ARHGEF3: variants seen among roughly 807,000 people sequenced by gnomAD.
ARHGEF3 encodes 59.8 kDA protein.
A neutral mutation model predicts 63.2 loss-of-function variants in ARHGEF3; 28 were observed. That is an observed-to-expected ratio of 0.44 (90% CI 0.33 to 0.61). The LOEUF (loss-of-function observed/expected upper bound fraction) is 0.61. ARHGEF3 is among the 20% of genes least tolerant of loss of function. The pLI is 0.03. For missense variants in ARHGEF3, 533 were observed against 659.3 expected (o/e 0.81, Z 2.10); for synonymous variants, 266 against 254.2 (o/e 1.05, Z -0.44).
chr3:57,033,047 A>G (rs1703796914), intron 2 of ARHGEF3, among the ~76,000 whole-genome samples: 1 of 152,232 alleles, frequency 6.6e-6, no homozygotes, highest in Admixed American at 6.5e-5. Flanking sequence ...AGAGGAAACT[A>G]CAACCACAGA....
chr3:56,737,439 C>T (rs1453633741), intron 7 of ARHGEF3, 84 bp from the exon 8 acceptor site: 2 of 1,026,074 alleles, frequency 1.9e-6, no homozygotes, highest in East Asian at 5.0e-5. Context: ...CCTAGAAGGA[C>T]ACCAGGACAC....
intron 4 of ARHGEF3, among the ~76,000 whole-genome samples, chr3:56,839,825 A>C (rs750250945): frequency 2.0e-5 from 3 of 152,082 alleles, no homozygotes; most frequent in Admixed American, 2.0e-4. Flanking sequence ...ACAGGATCAC[A>C]TTACCACCTT....
At position 57,002,506 on chromosome 3, in the gene ARHGEF3, A is replaced by G. The variant is rs796773371; in HGVS notation, c.62+32582T>C. Among the ~76,000 whole-genome samples the G allele has an allele frequency of 8.5e-4, 65 of 76,350 alleles. 1 individual carries two copies. Among genetic ancestry groups the G allele is most frequent in the South Asian group, 1.7e-3 (4 of 2,408 alleles). 50.1% of individuals were successfully genotyped at this position (76,350 alleles called of 152,430 possible). A position where few individuals can be genotyped will look rare whatever the true frequency, so the allele number is the denominator to read the frequency against. On this transcript the variant is annotated intron_variant, in intron 2 of 12. Coordinates refer to the ARHGEF3 transcript ENST00000338458. ...ATATATATATATATATGTTATATAT[A>G]TATATATGTTATATATGTATGTTAT...
rs1228657829 is a variant in ARHGEF3 at position 56,773,784 on chromosome 3, G to A, written c.129C>T (p.Ser43=). ...TGAGGTTTGCTAGCGACGTGACTCGGGAAAGGGGTTTGACCCGTTTATTAC... is the reference window on the plus strand; with the variant it reads ...TGAGGTTTGCTAGCGACGTGACTCGAGAAAGGGGTTTGACCCGTTTATTAC... ...EPSNKRVKPL[S]RVTSLANLIP... Residue 43 remains serine, a synonymous_variant, in exon 2 of 10, where the codon TCC becomes TCT. Transcript: ENST00000296315. 6.2e-7 allele frequency: 1 copy of A among 1,603,992 alleles called. No individual in the cohort carries two copies. The highest frequency in any genetic ancestry group is 1.1e-5 in the South Asian group (1 of 89,592).
chr3:57,064,706 G>A (rs1349840176), intron 1 of ARHGEF3, among the ~76,000 whole-genome samples: 1 of 152,202 alleles, frequency 6.6e-6, no homozygotes, highest in East Asian at 1.9e-4. Flanking sequence ...AATATGGCAT[G>A]ATTCCACTTA....
intron 7 of ARHGEF3, among the ~76,000 whole-genome samples, chr3:56,741,235 G>C (rs1461694957): frequency 7.3e-6 from 1 of 137,384 alleles, no homozygotes; most frequent in Non-Finnish European, 1.5e-5. Context: ...GCCCAGGCTA[G>C]AGTGCAATGG....
At position 56,917,511 on chromosome 3, in the gene ARHGEF3, G is replaced by A. The variant is rs4681713; in HGVS notation, c.130-35157C>T. 8.7e-3 allele frequency among the ~76,000 whole-genome samples: 1,317 copies of A among 152,224 alleles called. 55 individuals are homozygous for A. In the East Asian group the frequency reaches 0.11, roughly 13 times the overall value. The stretch of plus-strand genomic sequence containing the variant: ...GGTTCATTTGAACAACAAGCTTCCG[G>A]TCTAACAGAAGGAGATTAAATCCAA... On this transcript the variant is annotated intron_variant, in intron 3 of 12. Transcript: ENST00000338458.
chr3:56,875,661 C>A (rs2040563438), intron 4 of ARHGEF3, among the ~76,000 whole-genome samples: 1 of 152,190 alleles, frequency 6.6e-6, no homozygotes, highest in African/African-American at 2.4e-5. Flanking sequence ...AATTCTATCC[C>A]AAGCCCCCTT....
At chr3:56,972,166 G>T (rs183319029) in intron 2 of ARHGEF3, among the ~76,000 whole-genome samples, 47 of 152,190 alleles carry the variant, frequency 3.1e-4, no homozygotes, top group Admixed American at 1.0e-3. Context: ...GTAACCCAAG[G>T]TGGTCAGAAG....
At chr3:56,917,876 G>A (rs756402798) in intron 3 of ARHGEF3, among the ~76,000 whole-genome samples, 22 of 152,318 alleles carry the variant, frequency 1.4e-4, no homozygotes, top group South Asian at 4.1e-4. Flanking sequence ...TGAAATCACT[G>A]TAAAAAGCCT....
At chr3:56,838,859 G>A (rs1412554660) in intron 4 of ARHGEF3, among the ~76,000 whole-genome samples, 4 of 152,226 alleles carry the variant, frequency 2.6e-5, no homozygotes, top group Non-Finnish European at 4.4e-5. Context: ...GCCGGGTGCA[G>A]TGGCTCATGC....
chr3:56,958,787 C>T, intron 3 of ARHGEF3: 2 of 1,531,400 alleles, frequency 1.3e-6, no homozygotes, highest in Non-Finnish European at 1.8e-6. Flanking sequence ...CATAATAGGA[C>T]ATTTAACAGC....
intron 1 of ARHGEF3, among the ~76,000 whole-genome samples, chr3:57,050,909 T>C (rs1704642149): frequency 6.6e-6 from 1 of 152,212 alleles, no homozygotes; most frequent in African/African-American, 2.4e-5. Context: ...TGCAGCATCC[T>C]TCCCTATTAG....
In ARHGEF3 at chr3:56,737,238, C is replaced by T. The variant is rs545739969; in HGVS notation, c.988G>A (p.Asp330Asn). Residue 330 changes from aspartate to asparagine, a missense_variant, in exon 8 of 10, where the codon GAC (aspartate) becomes AAC (asparagine). Physicochemically the swap from Asp to Asn is conservative, Grantham distance 23 (BLOSUM62 1). Coordinates refer to ENST00000296315, the MANE Select transcript of ARHGEF3 (RefSeq NM_019555.3). ...TGACAACACAAGACTCGAGAGCTGT[C>T]GATCAGGGAGTCTTTCTGGCCTTCT... Reference protein sequence around the residue: ...LEEGQKDSLIDSSRVLCCHGE... With the variant: ...LEEGQKDSLINSSRVLCCHGE... 2.1e-5 allele frequency: 34 copies of T among 1,614,068 alleles called. No individual in the cohort carries two copies. The highest frequency in any genetic ancestry group is 9.3e-5 in the African/African-American group (7 of 75,048).
rs1486089054 is a variant in ARHGEF3 at position 56,737,355 on chromosome 3, T to C, written c.871A>G (p.Ile291Val). ...GCCACAATTCCCTGAATGATATTTATCTATGAAAACAAAGAGGAAAATTAA... is the reference window on the plus strand; with the variant it reads ...GCCACAATTCCCTGAATGATATTTACCTATGAAAACAAAGAGGAAAATTAA... ...NPDQQHLEEA[I>V]NIIQGIVAEI... The change falls in exon 8 of 10, where the codon ATA becomes GTA. Residue 291 changes from isoleucine (I) to valine (V), a missense_variant and splice_region_variant. Coordinates refer to ENST00000296315, the MANE Select transcript of ARHGEF3 (RefSeq NM_019555.3). 6.2e-7 allele frequency: 1 copy of C among 1,608,812 alleles called. No individual in the cohort carries two copies. Among genetic ancestry groups the C allele is most frequent in the Admixed American group, 1.7e-5 (1 of 59,736 alleles).
chr3:57,076,249 G>T (rs76383610), intron 1 of ARHGEF3, among the ~76,000 whole-genome samples: 1 of 152,042 alleles, frequency 6.6e-6, no homozygotes. Context: ...GCCTTGAAGG[G>T]TTACTAAACT....
chr3:57,015,983 A>G (rs4681941), intron 2 of ARHGEF3, among the ~76,000 whole-genome samples: 148,916 of 152,152 alleles, frequency 0.98, 72,939 homozygotes, highest in South Asian at 1. Flanking sequence ...CCACAGAGGC[A>G]GGGGTCCACC....
chr3:56,846,527 T>C (rs1048663458), intron 4 of ARHGEF3, among the ~76,000 whole-genome samples: 1 of 152,170 alleles, frequency 6.6e-6, no homozygotes, highest in African/African-American at 2.4e-5. Context: ...CATGGATATA[T>C]TGCATAGTGA....
At chr3:57,031,980 A>G (rs1467422302) in intron 2 of ARHGEF3, among the ~76,000 whole-genome samples, 1 of 152,188 alleles carries the variant, frequency 6.6e-6, no homozygotes, top group Non-Finnish European at 1.5e-5. Context: ...AATATATACT[A>G]AAAGATGGGG....
Sources: allele counts gnomAD v4.1 joint callset (sites outside exome capture counted in the v4.1 genomes callset), GRCh38; gene constraint gnomAD v4.1.1; transcripts MANE v1.5; gene names NCBI Gene and HGNC (gene_info 2026-07-23, HGNC 2026-07-21).